FER: variants seen among roughly 807,000 people sequenced by gnomAD.
FER encodes the protein FER tyrosine kinase, also known as tyrosine-protein kinase Fer.
A neutral mutation model predicts 111.0 loss-of-function variants in FER; 63 were observed. The ratio of observed to expected loss-of-function variants is 0.57; its 90% CI spans 0.46 to 0.70. The LOEUF (loss-of-function observed/expected upper bound fraction) is 0.70. Ranked by LOEUF, FER falls within the 30% of genes least tolerant of loss-of-function variation. FER has a pLI of 0.00. For synonymous variants in FER, 327 were observed against 313.9 expected (o/e 1.04, Z -0.44); for missense variants, 914 against 954.0 (o/e 0.96, Z 0.55).
intron 17 of FER, among the ~76,000 whole-genome samples, chr5:109,163,135 C>T (rs529035865): frequency 6.6e-6 from 1 of 152,138 alleles, no homozygotes; most frequent in South Asian, 2.1e-4. Context: ...TTCATTAGAA[C>T]AAAACATATG....
In FER at chr5:109,182,680, T is replaced by C. The variant is rs937870680; in HGVS notation, c.2203+1779T>C. On this transcript the variant is annotated intron_variant, in intron 18 of 19. Coordinates refer to ENST00000281092, the MANE Select transcript of FER (RefSeq NM_005246.4). Reference sequence around the variant, plus strand: ...TAGCCTTTAAAAGTCCTCTTACTCTTAAACAATTTTGCCAAGTAAAATTCT... The same window carrying C: ...TAGCCTTTAAAAGTCCTCTTACTCTCAAACAATTTTGCCAAGTAAAATTCT... 2.0e-5 allele frequency among the ~76,000 whole-genome samples: 3 copies of C among 152,314 alleles called. No individual in the cohort carries two copies. The East Asian group carries it at 5.8e-4, about 29-fold the overall frequency.
intron 17 of FER, among the ~76,000 whole-genome samples, chr5:109,162,802 A>G (rs1351544752): frequency 6.6e-6 from 1 of 152,200 alleles, no homozygotes. Context: ...AGATTCACAC[A>G]AGACTTGCAT....
rs6895422 is a variant in FER, at chr5:108,858,255, C to G, written c.482-9512C>G. Among the ~76,000 whole-genome samples the G allele has an allele frequency of 2.6e-5, 4 of 152,280 alleles. No individual in the cohort carries two copies. In the East Asian group the frequency reaches 7.7e-4, roughly 29 times the overall value. ...CTTTCTCTGGCAGTGAGAAACCTAG[C>G]TTCTGTTGTTCACAATATTTTACTT... On this transcript the variant is annotated intron_variant, in intron 5 of 19. Coordinates refer to ENST00000281092, the MANE Select transcript of FER (RefSeq NM_005246.4).
chr5:108,964,342 T>G (rs905712174), intron 13 of FER, among the ~76,000 whole-genome samples: 3 of 152,134 alleles, frequency 2.0e-5, no homozygotes, highest in Non-Finnish European at 4.4e-5. Flanking sequence ...GACAGAGACG[T>G]AAATGGAAAC....
intron 2 of FER, among the ~76,000 whole-genome samples, chr5:108,788,950 T>C (rs1210777132): frequency 6.6e-6 from 1 of 152,268 alleles, no homozygotes; most frequent in Non-Finnish European, 1.5e-5. Context: ...TTCATTTTAA[T>C]TCGCATTGAC....
intron 3 of FER, among the ~76,000 whole-genome samples, chr5:108,821,449 T>C (rs1281582382): frequency 6.6e-6 from 1 of 152,186 alleles, no homozygotes; most frequent in Admixed American, 6.5e-5. Context: ...GAGTTTCATA[T>C]ATGTAAACAG....
intron 13 of FER, among the ~76,000 whole-genome samples, chr5:109,021,675 C>A (rs1299692961): frequency 6.6e-6 from 1 of 151,954 alleles, no homozygotes; most frequent in South Asian, 2.1e-4. Context: ...CATCTCATTA[C>A]TATAAAGTAA....
intron 16 of FER, among the ~76,000 whole-genome samples, chr5:109,060,750 C>G (rs138607641): frequency 7.1e-6 from 1 of 141,134 alleles, no homozygotes; most frequent in African/African-American, 2.6e-5. Flanking sequence ...TGTGTGTGTG[C>G]GTATGTGTGG....
At chr5:109,105,963 G>A (rs183764108) in intron 17 of FER, among the ~76,000 whole-genome samples, 14 of 152,116 alleles carry the variant, frequency 9.2e-5, no homozygotes, top group South Asian at 4.1e-4. Context: ...GTTTAAGCCC[G>A]TTTTACACAT....
intron 13 of FER, among the ~76,000 whole-genome samples, chr5:109,026,398 A>G (rs138143159): frequency 6.6e-6 from 1 of 152,186 alleles, no homozygotes; most frequent in Non-Finnish European, 1.5e-5. Context: ...TAGATTCCAG[A>G]TGGGCAACTA....
intron 17 of FER, among the ~76,000 whole-genome samples, chr5:109,172,910 A>G (rs1385256476): frequency 6.6e-6 from 1 of 152,232 alleles, no homozygotes; most frequent in Non-Finnish European, 1.5e-5. Context: ...TTCATAAACT[A>G]TAAACCATCC....
At chr5:108,777,169 T>C (rs1400137113) in intron 2 of FER, among the ~76,000 whole-genome samples, 3 of 152,208 alleles carry the variant, frequency 2.0e-5, no homozygotes, top group Admixed American at 1.3e-4. Context: ...AAGATCTTTA[T>C]AGTTATAAAT....
chr5:109,037,530 G>A, intron 14 of FER, 52 bp downstream of exon 14: 1 of 1,479,894 alleles, frequency 6.8e-7, no homozygotes, highest in Admixed American at 1.8e-5. Flanking sequence ...TGATTGTGAA[G>A]ACTGCAGATT....
intron 10 of FER, among the ~76,000 whole-genome samples, chr5:108,931,476 T>C (rs1754667604): frequency 6.6e-6 from 1 of 152,228 alleles, no homozygotes; most frequent in Non-Finnish European, 1.5e-5. Context: ...CTTAGTGTTT[T>C]ATCTTTAATG....
intron 15 of FER, among the ~76,000 whole-genome samples, chr5:109,046,710 T>A (rs747116325): frequency 2.2e-4 from 33 of 152,082 alleles, no homozygotes; most frequent in South Asian, 4.2e-4. Context: ...ATGTACAGAA[T>A]TTTTTTTCTT....
chr5:108,839,572 C>CTTTTTTT (rs1232820003), intron 5 of FER, among the ~76,000 whole-genome samples: 148 of 94,696 alleles, frequency 1.6e-3, no homozygotes, highest in African/African-American at 1.8e-3. Flanking sequence ...ATGCCATTTT[C>CTTTTTTT]TTTTTTTTTT....
At chr5:108,918,397 G>A (rs1278917470) in intron 10 of FER, among the ~76,000 whole-genome samples, 7 of 152,104 alleles carry the variant, frequency 4.6e-5, no homozygotes, top group African/African-American at 1.7e-4. Context: ...CATTCTATGT[G>A]GGCCTAAGAA....
At chr5:108,845,626 A>G (rs1440756837) in intron 5 of FER, among the ~76,000 whole-genome samples, 11 of 151,716 alleles carry the variant, frequency 7.3e-5, no homozygotes, top group Admixed American at 2.6e-4. Flanking sequence ...TTTCTTGCCT[A>G]ATTGCCCTGG....
rs201766244 is a variant in FER, at chr5:108,895,859, T to TTAA, written c.1047-1797_1047-1795dup. ...TTTTGAATTATATTCAGATGTTCAG[T>TTAA]TAATATTTACTTGCCTTGTGCCTTG... On this transcript the variant is annotated intron_variant, in intron 9 of 19. Transcript: ENST00000281092. Among the ~76,000 whole-genome samples, 1,403 of 152,340 alleles carry TTAA rather than the reference T, an allele frequency of 9.2e-3. 11 individuals are homozygous for TTAA. Among genetic ancestry groups the TTAA allele is most frequent in the Non-Finnish European group, 0.015 (1,004 of 68,026 alleles).
Sources: gnomAD v4.1 joint callset for allele counts (sites outside exome capture counted in the v4.1 genomes callset) on GRCh38, gnomAD v4.1.1 for gene constraint, MANE v1.5 for transcripts, NCBI Gene and HGNC (gene_info 2026-07-23, HGNC 2026-07-21) for gene names.